NCKAP5: variants seen among roughly 807,000 people sequenced by gnomAD.
NCKAP5 encodes NCK associated protein 5.
In NCKAP5, 92 loss-of-function variants were observed where a neutral mutation model predicts 167.0. That is an observed-to-expected ratio of 0.55 (90% CI 0.47 to 0.66). The LOEUF (loss-of-function observed/expected upper bound fraction) is 0.66, where lower values mean the gene tolerates loss of function less well. Ranked by LOEUF, NCKAP5 falls within the 30% of genes least tolerant of loss-of-function variation. The pLI is 0.00. For synonymous variants in NCKAP5, 891 were observed against 877.4 expected (o/e 1.02, Z -0.27); for missense variants, 2,378 against 2,315.0 (o/e 1.03, Z -0.56).
chr2:132,976,765 C>T (rs1275587816), intron 7 of NCKAP5, among the ~76,000 whole-genome samples: 4 of 151,442 alleles, frequency 2.6e-5, no homozygotes, highest in Non-Finnish European at 4.4e-5. Context: ...AATATATATA[C>T]AATTTTATTT....
intron 8 of NCKAP5, among the ~76,000 whole-genome samples, chr2:132,918,137 C>CA (rs1167379928): frequency 6.6e-6 from 1 of 152,136 alleles, no homozygotes; most frequent in Non-Finnish European, 1.5e-5. Flanking sequence ...GGGAAACTTT[C>CA]AATTTCTCCT....
At chr2:133,383,427 G>C (rs1261092357) in intron 3 of NCKAP5, among the ~76,000 whole-genome samples, 1 of 152,166 alleles carries the variant, frequency 6.6e-6, no homozygotes, top group East Asian at 1.9e-4. Flanking sequence ...GTATTCCATG[G>C]TGTATATGTG....
chr2:133,192,713 C>T (rs1267198404), intron 5 of NCKAP5, among the ~76,000 whole-genome samples: 1 of 151,994 alleles, frequency 6.6e-6, no homozygotes, highest in Non-Finnish European at 1.5e-5. Flanking sequence ...CAATACATAA[C>T]TACCAGAAAG....
chr2:133,313,878 AC>A (rs1290745300), intron 3 of NCKAP5, among the ~76,000 whole-genome samples: 2 of 152,154 alleles, frequency 1.3e-5, no homozygotes, highest in Admixed American at 1.3e-4. Flanking sequence ...GACCCCAGCT[AC>A]TCTACATGAA....
At chr2:132,998,793 A>G (rs1432883130) in intron 6 of NCKAP5, among the ~76,000 whole-genome samples, 2 of 152,110 alleles carry the variant, frequency 1.3e-5, no homozygotes, top group African/African-American at 4.8e-5. Flanking sequence ...TCTCCCCAAT[A>G]TGATTAAGAA....
intron 1 of NCKAP5, among the ~76,000 whole-genome samples, chr2:133,566,015 T>C (rs537287742): frequency 1.3e-5 from 2 of 152,172 alleles, no homozygotes; most frequent in South Asian, 2.1e-4. Flanking sequence ...CAAGATACCA[T>C]GACAGTCGAA....
intron 16 of NCKAP5, among the ~76,000 whole-genome samples, chr2:132,751,282 T>G (rs938002381): frequency 6.6e-6 from 1 of 152,004 alleles, no homozygotes; most frequent in Non-Finnish European, 1.5e-5. Context: ...CTCTCTTCTT[T>G]CTTCTCTTGC....
intron 10 of NCKAP5, among the ~76,000 whole-genome samples, chr2:132,865,494 C>A (rs1390759362): frequency 6.6e-6 from 1 of 152,138 alleles, no homozygotes; most frequent in African/African-American, 2.4e-5. Context: ...TATATAGAGT[C>A]AGTTTTACTC....
At chr2:133,004,252 C>T (rs1362588687) in intron 6 of NCKAP5, among the ~76,000 whole-genome samples, 1 of 152,138 alleles carries the variant, frequency 6.6e-6, no homozygotes, top group African/African-American at 2.4e-5. Context: ...AGATAATGCA[C>T]AACAGGTCTA....
chr2:133,311,407 C>G (rs574018253), intron 3 of NCKAP5, among the ~76,000 whole-genome samples: 2 of 152,310 alleles, frequency 1.3e-5, no homozygotes, highest in Admixed American at 1.3e-4. Context: ...CACTGCCCTC[C>G]AGGAACTTCC....
chr2:133,392,777 C>T (rs1687500273), intron 3 of NCKAP5, among the ~76,000 whole-genome samples: 1 of 152,134 alleles, frequency 6.6e-6, no homozygotes, highest in Non-Finnish European at 1.5e-5. Flanking sequence ...CTCAGAAAGG[C>T]CCATTACAGT....
intron 2 of NCKAP5, among the ~76,000 whole-genome samples, chr2:133,555,535 T>C (rs1457378508): frequency 6.6e-6 from 1 of 152,256 alleles, no homozygotes; most frequent in African/African-American, 2.4e-5. Context: ...ATCTTTTTCA[T>C]AAGTTCTCAC....
chr2:132,943,586 T>G (rs1020543016), intron 8 of NCKAP5, among the ~76,000 whole-genome samples: 1 of 152,182 alleles, frequency 6.6e-6, no homozygotes, highest in Non-Finnish European at 1.5e-5. Context: ...AGGAGTTCAC[T>G]TGGCTGTAAA....
At chr2:132,746,384 A>G (rs1265314893) in intron 16 of NCKAP5, among the ~76,000 whole-genome samples, 2 of 151,124 alleles carry the variant, frequency 1.3e-5, no homozygotes, top group Non-Finnish European at 2.9e-5. Context: ...CACACTGTAT[A>G]TAAAAATTAA....
intron 16 of NCKAP5, among the ~76,000 whole-genome samples, chr2:132,735,176 G>GGTT (rs1182751464): frequency 9.1e-4 from 138 of 152,070 alleles, no homozygotes; most frequent in African/African-American, 3.0e-3. Context: ...TTCTCGCCAG[G>GGTT]ATTTTTTTTA....
chr2:133,076,985 A>C (rs1027093646), intron 6 of NCKAP5, among the ~76,000 whole-genome samples: 3 of 152,202 alleles, frequency 2.0e-5, no homozygotes, highest in African/African-American at 4.8e-5. Context: ...AGGAGAAAAA[A>C]GGGATAGAGA....
chr2:132,708,431 G>T (rs1688556970), intron 19 of NCKAP5, among the ~76,000 whole-genome samples: 1 of 152,122 alleles, frequency 6.6e-6, no homozygotes, highest in African/African-American at 2.4e-5. Context: ...CTTGTCATGG[G>T]CCTAGGGCAG....
intron 19 of NCKAP5, among the ~76,000 whole-genome samples, chr2:132,694,131 A>ATTTG: frequency 6.6e-6 from 1 of 150,720 alleles, no homozygotes; most frequent in Non-Finnish European, 1.5e-5. Flanking sequence ...TTATTTATTT[A>ATTTG]TTTATTTTTT....
chr2:133,139,327 A>G (rs2082911987), intron 5 of NCKAP5, among the ~76,000 whole-genome samples: 2 of 152,328 alleles, frequency 1.3e-5, no homozygotes, highest in South Asian at 2.1e-4. Flanking sequence ...GATTAAATGC[A>G]ATGTCTACAA....
Sources: allele counts gnomAD v4.1 joint callset (sites outside exome capture counted in the v4.1 genomes callset), GRCh38; gene constraint gnomAD v4.1.1; transcripts MANE v1.5; gene names NCBI Gene and HGNC (gene_info 2026-07-23, HGNC 2026-07-21).